Variants in BBX observed in about 807,000 individuals in gnomAD.
The protein encoded by BBX is BBX high mobility group box domain containing, also known as HMG box transcription factor BBX.
A neutral mutation model predicts 100.2 loss-of-function variants in BBX; 30 were observed. The ratio of observed to expected loss-of-function variants is 0.30; its 90% CI spans 0.22 to 0.41. BBX has a LOEUF of 0.41. Ranked by LOEUF, BBX falls within the 10% of genes least tolerant of loss-of-function variation. The pLI is 1.00. For missense variants in BBX, 1,023 were observed against 1,129.8 expected, an observed-to-expected ratio of 0.91 and a Z score of 1.35; for synonymous variants, 376 against 388.1, an observed-to-expected ratio of 0.97 and a Z score of 0.37.
At chr3:107,635,866 T>C (rs1217231162) in intron 2 of BBX, among the ~76,000 whole-genome samples, 2 of 151,892 alleles carry the variant, frequency 1.3e-5, no homozygotes, top group African/African-American at 4.8e-5. Context: ...CGCCTGCCAC[T>C]ACGCCTGACT....
intron 2 of BBX, among the ~76,000 whole-genome samples, chr3:107,625,414 A>C (rs1413211517): frequency 4.6e-5 from 7 of 152,208 alleles, no homozygotes; most frequent in Non-Finnish European, 8.8e-5. Flanking sequence ...AGTAGCTGGC[A>C]TTACAGGCAT....
At chr3:107,668,726 A>G (rs1319699891) in intron 3 of BBX, among the ~76,000 whole-genome samples, 1 of 152,244 alleles carries the variant, frequency 6.6e-6, no homozygotes, top group Non-Finnish European at 1.5e-5. Context: ...TTGGAGCTTA[A>G]TCAAGATTGA....
chr3:107,666,603 A>G (rs530457069), intron 3 of BBX, among the ~76,000 whole-genome samples: 4 of 152,288 alleles, frequency 2.6e-5, no homozygotes, highest in South Asian at 2.1e-4. Flanking sequence ...GTCTCGCTCT[A>G]TTGGCAGACT....
chr3:107,799,075 G>A (rs896344353), intron 16 of BBX, among the ~76,000 whole-genome samples: 3 of 151,548 alleles, frequency 2.0e-5, no homozygotes, highest in African/African-American at 7.3e-5. Context: ...GCGTGAACCC[G>A]AGAGTCGGAG....
chr3:107,758,250 A>G (rs2065638252), intron 10 of BBX, among the ~76,000 whole-genome samples: 1 of 152,242 alleles, frequency 6.6e-6, no homozygotes, highest in Non-Finnish European at 1.5e-5. Context: ...GAAACAAGAA[A>G]TATTTCAAAC....
intron 2 of BBX, among the ~76,000 whole-genome samples, chr3:107,555,330 G>C (rs2050018128): frequency 6.6e-6 from 1 of 152,060 alleles, no homozygotes; most frequent in South Asian, 2.1e-4. Flanking sequence ...TATATACCTA[G>C]CTCACAAAGG....
At chr3:107,619,712 G>C (rs2055593788) in intron 2 of BBX, among the ~76,000 whole-genome samples, 1 of 151,922 alleles carries the variant, frequency 6.6e-6, no homozygotes, top group East Asian at 1.9e-4. Flanking sequence ...ATTTTCACTG[G>C]GTATAGGATC....
chr3:107,743,918 G>GTTTTTTTTTTTTTTTTTTTTT (rs34762783), intron 7 of BBX, among the ~76,000 whole-genome samples: 3 of 56,622 alleles, frequency 5.3e-5, no homozygotes, highest in East Asian at 7.9e-4. Flanking sequence ...TGTTTTAGTG[G>GTTTTTTTTTTTTTTTTTTTTT]TTTTTTTTTT....
At chr3:107,582,896 G>GT (rs2052390904) in intron 2 of BBX, among the ~76,000 whole-genome samples, 2 of 151,842 alleles carry the variant, frequency 1.3e-5, no homozygotes, top group South Asian at 4.2e-4. Context: ...TAATAGAAAG[G>GT]TGTAGGTATG....
chr3:107,673,414 T>C (rs2107933004), intron 3 of BBX, among the ~76,000 whole-genome samples: 1 of 152,184 alleles, frequency 6.6e-6, no homozygotes, highest in Admixed American at 6.5e-5. Flanking sequence ...TTAAAATCTG[T>C]TTTTAATAAA....
intron 5 of BBX, among the ~76,000 whole-genome samples, chr3:107,725,314 A>T (rs11924498): frequency 0.31 from 47,854 of 151,958 alleles, 8,723 homozygotes; most frequent in African/African-American, 0.5. Flanking sequence ...TTGGGCTGAG[A>T]CAATGGGGTT....
chr3:107,545,006 A>G, intron 2 of BBX, among the ~76,000 whole-genome samples: 1 of 151,304 alleles, frequency 6.6e-6, no homozygotes, highest in Non-Finnish European at 1.5e-5. Context: ...ACAGAGCGAG[A>G]CTCCGTCTCA....
chr3:107,719,518 C>A (rs890051684), intron 5 of BBX, among the ~76,000 whole-genome samples: 1 of 151,976 alleles, frequency 6.6e-6, no homozygotes, highest in Non-Finnish European at 1.5e-5. Context: ...AGACAAAGCA[C>A]CTGTTCTGGG....
intron 5 of BBX, among the ~76,000 whole-genome samples, chr3:107,722,245 G>A (rs554306079): frequency 1.2e-4 from 18 of 151,902 alleles, no homozygotes; most frequent in Non-Finnish European, 2.2e-4. Flanking sequence ...TCCATAACTA[G>A]GGAATAATAA....
intron 2 of BBX, among the ~76,000 whole-genome samples, chr3:107,620,019 T>A (rs2055620971): frequency 6.6e-6 from 1 of 152,162 alleles, no homozygotes; most frequent in Admixed American, 6.5e-5. Context: ...TACAGTGACA[T>A]GGATTTTAGT....
At chr3:107,576,485 T>G (rs2051783107) in intron 2 of BBX, among the ~76,000 whole-genome samples, 1 of 152,240 alleles carries the variant, frequency 6.6e-6, no homozygotes, top group South Asian at 2.1e-4. Context: ...GGGCAGTTTC[T>G]CATTTTCAGT....
chr3:107,594,354 G>A (rs1464236894), intron 2 of BBX, among the ~76,000 whole-genome samples: 1 of 152,024 alleles, frequency 6.6e-6, no homozygotes, highest in African/African-American at 2.4e-5. Flanking sequence ...CCTTATTCCT[G>A]TCAGTCTTAC....
chr3:107,669,738 A>G (rs1405112340), intron 3 of BBX, among the ~76,000 whole-genome samples: 1 of 152,166 alleles, frequency 6.6e-6, no homozygotes, highest in Non-Finnish European at 1.5e-5. Flanking sequence ...AGTATATATG[A>G]GGTACTCTAA....
At chr3:107,579,338 C>G (rs2052078434) in intron 2 of BBX, among the ~76,000 whole-genome samples, 1 of 152,196 alleles carries the variant, frequency 6.6e-6, no homozygotes, top group Admixed American at 6.5e-5. Flanking sequence ...TTTCATCTCT[C>G]AGTCTGGAGC....
Sources: allele counts gnomAD v4.1 joint callset (sites outside exome capture counted in the v4.1 genomes callset), GRCh38; gene constraint gnomAD v4.1.1; transcripts MANE v1.5; gene names NCBI Gene and HGNC (gene_info 2026-07-23, HGNC 2026-07-21).